The following TMEM116 variants were observed in gnomAD, a reference collection of about 807,000 sequenced individuals.
The protein encoded by TMEM116 is transmembrane protein 116.
Under a neutral mutation model 44.3 loss-of-function variants are expected in TMEM116, and 38 were observed. That is an observed-to-expected ratio of 0.86 (90% CI 0.66 to 1.12). The LOEUF (loss-of-function observed/expected upper bound fraction) is 1.12, where lower values mean the gene tolerates loss of function less well. TMEM116 is among the 50% of genes most tolerant of loss of function. TMEM116 has a pLI of 0.00. For missense variants in TMEM116, 354 were observed against 401.7 expected, an observed-to-expected ratio of 0.88 and a Z score of 1.01; for synonymous variants, 132 against 144.8, an observed-to-expected ratio of 0.91 and a Z score of 0.64.
intron 4 of TMEM116, among the ~76,000 whole-genome samples, chr12:111,984,461 T>C (rs2076113563): frequency 6.6e-6 from 1 of 151,998 alleles, no homozygotes; most frequent in African/African-American, 2.4e-5. Flanking sequence ...AGATGGTCAA[T>C]GGGTACAAAA....
At chr12:111,964,865 A>T (rs76300790) in intron 4 of TMEM116, among the ~76,000 whole-genome samples, 30,160 of 151,548 alleles carry the variant, frequency 0.2, 3,190 homozygotes, top group African/African-American at 0.27. Context: ...TTTAAAAAAA[A>T]TTTTTTTGTA....
chr12:112,008,975 C>CA (rs762535414), intron 1 of TMEM116, among the ~76,000 whole-genome samples: 969 of 67,548 alleles, frequency 0.014, 10 homozygotes, highest in South Asian at 0.084. Flanking sequence ...AACTCCATTT[C>CA]AAAAAAAAAA....
At chr12:112,006,045 G>C in intron 1 of TMEM116, 1 of 953,924 alleles carries the variant, frequency 1.0e-6, no homozygotes, top group Non-Finnish European at 1.2e-6. Flanking sequence ...TTCCTAGTCA[G>C]GTTCTGAATC....
At chr12:111,958,277 T>TAAA (rs61637468) in intron 4 of TMEM116, among the ~76,000 whole-genome samples, 37 of 27,520 alleles carry the variant, frequency 1.3e-3, no homozygotes, top group Non-Finnish European at 2.4e-3. Flanking sequence ...CAATAAATAC[T>TAAA]AAAAAAAAAA....
At chr12:111,963,436 A>G (rs866268589) in intron 4 of TMEM116, among the ~76,000 whole-genome samples, 17 of 152,376 alleles carry the variant, frequency 1.1e-4, no homozygotes, top group African/African-American at 3.4e-4. Flanking sequence ...ATGCCCGTCA[A>G]TGATAGACTG....
chr12:111,946,675 AT>A (rs1192367434), intron 4 of TMEM116, among the ~76,000 whole-genome samples: 1 of 152,126 alleles, frequency 6.6e-6, no homozygotes, highest in Non-Finnish European at 1.5e-5. Context: ...CCAGTTTGGG[AT>A]TTGGGGGCCT....
rs748951644 is a variant in TMEM116, at chr12:111,933,961, G to A, written c.658C>T (p.Gln220Ter). The A allele has an allele frequency of 6.2e-7, 1 of 1,614,096 alleles. No individual in the cohort carries two copies. Among genetic ancestry groups the A allele is most frequent in the African/African-American group, 1.3e-5 (1 of 75,022 alleles). The part of the protein sequence containing the change: ...VKSTGFLGSE[Q>*]WAVIHIVDQR... The stretch of plus-strand genomic sequence containing the variant: ...TCCACAATGTGAATCACTGCCCACT[G>A]TTCACTCCCCAGAAAGCCAGTTGAC... The change falls in exon 9 of 11, where the codon CAG (glutamine) becomes TAG (stop). Residue 220 changes from glutamine to a stop codon, truncating the protein, a stop_gained. Coordinates refer to ENST00000552374, the MANE Select transcript of TMEM116 (RefSeq NM_001193531.2). LOFTEE classifies it high-confidence loss of function.
chr12:112,004,945 C>T (rs2077497738), intron 2 of TMEM116, among the ~76,000 whole-genome samples: 1 of 152,160 alleles, frequency 6.6e-6, no homozygotes, highest in Non-Finnish European at 1.5e-5. Context: ...CTCAGCCCTG[C>T]CAATTTTCTC....
In TMEM116 at chr12:111,931,847, G is replaced by GAC; in HGVS notation, c.808-21_808-20insGT. 6.8e-7 allele frequency: 1 copy of GAC among 1,474,568 alleles called. No individual in the cohort carries two copies. The highest frequency in any genetic ancestry group is 9.0e-7 in the Non-Finnish European group (1 of 1,111,006). 91.3% of individuals were successfully genotyped at this position (1,474,568 alleles called of 1,614,324 possible). A position where few individuals can be genotyped will look rare whatever the true frequency, so the allele number is the denominator to read the frequency against. On this transcript the variant is annotated intron_variant, in intron 10 of 10. Transcript: ENST00000552374. Reference sequence around the variant, plus strand: ...TAGAGCCTGGAGGAGATGAAGGGGTGATGCAGCCCATGCTTCAGGTTTTCA... The same window carrying GAC: ...TAGAGCCTGGAGGAGATGAAGGGGTGACATGCAGCCCATGCTTCAGGTTTTCA...
chr12:111,991,788 G>C lies in TMEM116; in HGVS notation c.180C>G (p.Ile60Met), dbSNP rs181400626. ...LYGASVANKD[I>M]ICYNLQAVGQ... ...CAACTGCTTGTAGGTTATAGCAGAT[G>C]ATGTCCTTATTTGCTACTGAAGCTC... The change falls in exon 4 of 11, where the codon ATC becomes ATG. Residue 60 changes from isoleucine to methionine, a missense_variant. By Grantham distance (10) the Ile-to-Met change is conservative. Transcript: ENST00000552374. 1.2e-5 allele frequency: 18 copies of C among 1,535,502 alleles called. No homozygotes were observed. In the East Asian group the frequency reaches 4.4e-4, roughly 38 times the overall value.
chr12:112,003,517 G>A lies in TMEM116; in HGVS notation c.78+283C>T, dbSNP rs1042481898. On this transcript the variant is annotated intron_variant, in intron 3 of 10. Coordinates refer to ENST00000552374, the MANE Select transcript of TMEM116 (RefSeq NM_001193531.2). ...CGGGAGGTGGAGCTTGCAGTGAGCC[G>A]AGATCGCACCACTGCACTCCAGCCT... 4 of 232,780 alleles carry A rather than the reference G, an allele frequency of 1.7e-5. No individual in the cohort carries two copies. The East Asian group carries it at 5.4e-4, about 32-fold the overall frequency. The allele number at this position is 232,780 out of a possible 1,614,324, so 14.4% of individuals were successfully genotyped here.
At chr12:111,988,997 C>T (rs2076391498) in intron 4 of TMEM116, among the ~76,000 whole-genome samples, 1 of 148,798 alleles carries the variant, frequency 6.7e-6, no homozygotes, top group African/African-American at 2.6e-5. Flanking sequence ...GTCTCAAAAA[C>T]AAAAACAAAA....
intron 3 of TMEM116, chr12:111,993,721 G>T: frequency 1.6e-6 from 1 of 643,746 alleles, no homozygotes; most frequent in Non-Finnish European, 3.0e-6. Context: ...GTACAAGTTT[G>T]TGGTTCGGAA....
chr12:112,008,405 G>T (rs777052583), intron 1 of TMEM116, among the ~76,000 whole-genome samples: 1 of 151,606 alleles, frequency 6.6e-6, no homozygotes, highest in African/African-American at 2.4e-5. Flanking sequence ...GCTTGAACCC[G>T]GGAGGCGGAA....
chr12:111,933,650 G>A (rs1248814711), intron 9 of TMEM116, among the ~76,000 whole-genome samples: 5 of 144,324 alleles, frequency 3.5e-5, no homozygotes, highest in Admixed American at 6.8e-5. Flanking sequence ...CACCACGCCC[G>A]GCTAATTTTT....
At chr12:111,940,476 T>TACACACACACACAC (rs1276384412) in intron 5 of TMEM116, among the ~76,000 whole-genome samples, 37 of 98,798 alleles carry the variant, frequency 3.7e-4, no homozygotes, top group African/African-American at 1.1e-3. Flanking sequence ...TATATATATA[T>TACACACACACACAC]ACATACACAC....
intron 3 of TMEM116, among the ~76,000 whole-genome samples, chr12:112,000,054 C>G (rs1326988116): frequency 6.6e-6 from 1 of 152,084 alleles, no homozygotes; most frequent in East Asian, 1.9e-4. Context: ...GGTCTGGTCT[C>G]ATCATTTAGT....
intron 4 of TMEM116, among the ~76,000 whole-genome samples, chr12:111,960,724 A>C (rs1000627418): frequency 6.6e-6 from 1 of 152,080 alleles, no homozygotes; most frequent in Non-Finnish European, 1.5e-5. Flanking sequence ...AGGAGGAAGC[A>C]AGAAAAATTT....
intron 4 of TMEM116, among the ~76,000 whole-genome samples, chr12:111,952,455 C>T (rs562184897): frequency 6.6e-6 from 1 of 152,310 alleles, no homozygotes; most frequent in South Asian, 2.1e-4. Context: ...AAGCAGGCCA[C>T]ATAAATACAA....
Sources: gnomAD v4.1 joint callset for allele counts (sites outside exome capture counted in the v4.1 genomes callset) on GRCh38, gnomAD v4.1.1 for gene constraint, MANE v1.5 for transcripts, NCBI Gene and HGNC (gene_info 2026-07-23, HGNC 2026-07-21) for gene names.